The following CFLAR variants were observed in gnomAD, a reference collection of about 807,000 sequenced individuals.
The protein encoded by CFLAR is CASP8 and FADD like apoptosis regulator.
A neutral mutation model predicts 51.1 loss-of-function variants in CFLAR; 14 were observed. That is an observed-to-expected ratio of 0.27 (90% CI 0.18 to 0.43). The LOEUF is 0.43. Among genes scored for constraint, CFLAR ranks in the 20% least tolerant of loss-of-function variants. CFLAR has a pLI of 1.00. For missense variants in CFLAR, 390 were observed against 566.5 expected (o/e 0.69, Z 3.16); for synonymous variants, 210 against 211.6 (o/e 0.99, Z 0.06).
At chr2:201,135,877 T>G in intron 3 of CFLAR, 95 bp from the exon 4 acceptor site, 1 of 1,515,910 alleles carries the variant, frequency 6.6e-7, no homozygotes, top group Non-Finnish European at 8.8e-7. Flanking sequence ...TCTTCCTGCC[T>G]CAGCCTCCCA....
intron 8 of CFLAR, among the ~76,000 whole-genome samples, chr2:201,155,368 C>T (rs1270534886): frequency 1.3e-5 from 2 of 151,766 alleles, no homozygotes; most frequent in African/African-American, 2.4e-5. Flanking sequence ...CGGGTTCAAG[C>T]GATTCTCCGC....
In CFLAR at chr2:201,165,241, CTTATTATTATTATTATTATTATTATTA is replaced by C. The variant is rs66478558; in HGVS notation, c.*1289_*1315del. On this transcript the variant is annotated 3_prime_UTR_variant, in exon 10 of 10. Transcript: ENST00000309955. ...ATTGTTTGAAATATCATTAGAGTTG[CTTATTATTATTATTATTATTATTATTA>C]TTATTATTATTATTATTATTGAGAC... is the stretch of plus-strand genomic sequence containing the variant. 10 of 140,876 alleles carry C rather than the reference CTTATTATTATTATTATTATTATTATTA, an allele frequency of 7.1e-5. No individual in the cohort carries two copies. Among genetic ancestry groups the C allele is most frequent in the South Asian group, 2.3e-4 (1 of 4,308 alleles). The allele number at this position is 140,876 out of a possible 1,614,324, so 8.7% of individuals were successfully genotyped here. A position where few individuals can be genotyped will look rare whatever the true frequency, so the allele number is the denominator to read the frequency against.
intron 2 of CFLAR, 41 bp downstream of exon 2, chr2:201,130,187 G>GGGGGGGGGGGA: frequency 1.0e-5 from 3 of 292,394 alleles, no homozygotes; most frequent in Non-Finnish European, 1.4e-5. Context: ...GGGTGGGAGG[G>GGGGGGGGGGGA]AGTGAAGTGT....
intron 8 of CFLAR, 150 bp from the exon 9 acceptor site, chr2:201,160,282 A>G: frequency 1.2e-6 from 1 of 811,174 alleles, no homozygotes; most frequent in Non-Finnish European, 1.9e-6. Flanking sequence ...TCTTGTTCCA[A>G]CTGCCCAGGA....
chr2:201,163,537 G>A, intron 9 of CFLAR: 1 of 1,189,370 alleles, frequency 8.4e-7, no homozygotes, highest in East Asian at 4.8e-5. Flanking sequence ...TACTCCATGG[G>A]CCGGTGGTAT....
intron 1 of CFLAR, among the ~76,000 whole-genome samples, chr2:201,123,933 C>G (rs2048435631): frequency 1.3e-5 from 2 of 152,170 alleles, no homozygotes; most frequent in Non-Finnish European, 1.5e-5. Flanking sequence ...CCTGAAAGTT[C>G]AGGTTTGCAT....
Position 201,160,783 on chromosome 2 carries a change from A to G in CFLAR, c.1145A>G (p.Asn382Ser), listed in dbSNP as rs751374408. The change falls in exon 9 of 10, where the codon AAT becomes AGT. Residue 382 changes from asparagine (N) to serine (S), a missense_variant. Asn to Ser is a conservative substitution (Grantham distance 46). Transcript: ENST00000309955. The stretch of plus-strand genomic sequence containing the variant: ...GAGGTGGATGGGCCAGCGATGAAGA[A>G]TGTGGAATTCAAGGCTCAGAAGCGA... ...LLEVDGPAMK[N>S]VEFKAQKRGL... is the part of the protein sequence containing the mutation. 52 of 1,614,030 alleles carry G rather than the reference A, an allele frequency of 3.2e-5. No homozygotes were observed. The South Asian group carries it at 4.4e-4, about 14-fold the overall frequency.
In CFLAR at chr2:201,116,353, G is replaced by C. The variant is rs2047584099; in HGVS notation, c.-266G>C. On this transcript the variant is annotated 5_prime_UTR_variant, in exon 1 of 10. Coordinates refer to ENST00000309955, the MANE Select transcript of CFLAR (RefSeq NM_003879.7). The surrounding 1 kb of genome is among the most constrained non-coding windows in gnomAD (Gnocchi z 4.8). ...GTAGGAGAGAAGCGCCGCGAACAGC[G>C]ATCGCCCAGCACCAAGTCCGCTTCC... 6.6e-6 allele frequency: 1 copy of C among 152,322 alleles called. No individual in the cohort carries two copies. The highest frequency in any genetic ancestry group is 6.5e-5 in the Admixed American group (1 of 15,290). 9.4% of individuals were successfully genotyped at this position (152,322 alleles called of 1,614,324 possible). A position where few individuals can be genotyped will look rare whatever the true frequency, so the allele number is the denominator to read the frequency against.
chr2:201,140,631 C>T (rs968848531), intron 5 of CFLAR, 192 bp downstream of exon 5: 1 of 523,618 alleles, frequency 1.9e-6, no homozygotes. Flanking sequence ...TATTTGGAGA[C>T]TATAGAGAAA....
At chr2:201,151,876 T>G (rs1439222504) in intron 8 of CFLAR, among the ~76,000 whole-genome samples, 1 of 152,272 alleles carries the variant, frequency 6.6e-6, no homozygotes, top group East Asian at 1.9e-4. Context: ...TATAGGAGCA[T>G]GATCAGAGTT....
intron 7 of CFLAR, chr2:201,149,485 T>G: frequency 3.2e-6 from 1 of 312,748 alleles, no homozygotes; most frequent in South Asian, 5.0e-5. Flanking sequence ...TTTTTCAAAT[T>G]ATCTTTATTC....
chr2:201,162,895 T>C, intron 9 of CFLAR: 1 of 629,994 alleles, frequency 1.6e-6, no homozygotes, highest in South Asian at 1.7e-5. Context: ...TTAATTTACT[T>C]GATCAATCTT....
At chr2:201,130,260 G>A in intron 2 of CFLAR, 114 bp downstream of exon 2, 1 of 939,720 alleles carries the variant, frequency 1.1e-6, no homozygotes, top group East Asian at 2.7e-5. Context: ...TACTGTCTCT[G>A]CCCACTTATC....
chr2:201,160,392 T>C (rs967786220), intron 8 of CFLAR, 40 bp from the exon 9 acceptor site: 2 of 1,591,694 alleles, frequency 1.3e-6, no homozygotes, highest in African/African-American at 1.3e-5. Context: ...CTCTCCTCAC[T>C]CCAGTGTTGT....
At chr2:201,131,688 G>T (rs1369086426) in intron 2 of CFLAR, among the ~76,000 whole-genome samples, 19 of 152,090 alleles carry the variant, frequency 1.2e-4, no homozygotes. Context: ...CTGTTTTTTT[G>T]GTTTTTGTTT....
At chr2:201,161,409 TA>T (rs1342980255) in intron 9 of CFLAR, among the ~76,000 whole-genome samples, 3 of 116,992 alleles carry the variant, frequency 2.6e-5, no homozygotes, top group Non-Finnish European at 5.9e-5. Flanking sequence ...CAAATTTATT[TA>T]TTTTTATTTA....
At chr2:201,148,130 CAG>C (rs1940600126) in intron 6 of CFLAR, 1 of 151,986 alleles carries the variant, frequency 6.6e-6, no homozygotes, top group Admixed American at 6.6e-5. Flanking sequence ...TTTCAAGTAT[CAG>C]AGATAGCTGC....
rs746644280 is a variant in CFLAR, at chr2:201,129,901, A to C, written c.36A>C (p.Ala12=). 2.7e-5 allele frequency: 43 copies of C among 1,614,092 alleles called. 1 individual carries two copies. The South Asian group carries it at 4.4e-4, about 16-fold the overall frequency. ...AAGTCATCCATCAGGTTGAAGAAGC[A>C]CTTGATACAGATGAGAAGGAGATGC... is the stretch of plus-strand genomic sequence containing the variant. ...SAEVIHQVEE[A]LDTDEKEMLL... Residue 12 remains alanine (A), a synonymous_variant, in exon 2 of 10, where the codon GCA becomes GCC. Transcript: ENST00000309955.
chr2:201,135,943 C>T (rs2050057524), intron 3 of CFLAR, 29 bp from the exon 4 acceptor site: 1 of 1,600,006 alleles, frequency 6.2e-7, no homozygotes, highest in Admixed American at 1.8e-5. Context: ...GCTCTATTGA[C>T]ATTTGTTTTT....
Sources: gnomAD v4.1 joint callset for allele counts (sites outside exome capture counted in the v4.1 genomes callset) on GRCh38, gnomAD v4.1.1 for gene constraint, Gnocchi (gnomAD v3.1) non-coding constraint, MANE v1.5 for transcripts, NCBI Gene and HGNC (gene_info 2026-07-23, HGNC 2026-07-21) for gene names.